Variants in GRID2 observed in about 807,000 individuals in gnomAD.
GRID2 encodes the protein glutamate ionotropic receptor delta type subunit 2.
Under a neutral mutation model 114.8 loss-of-function variants are expected in GRID2, and 33 were observed. The observed-to-expected ratio is 0.29, with a 90% CI of 0.22 to 0.38. The LOEUF (loss-of-function observed/expected upper bound fraction) is 0.38. Ranked by LOEUF, GRID2 falls within the 10% of genes least tolerant of loss-of-function variation. The pLI is 1.00. For missense variants in GRID2, 1,184 were observed against 1,257.7 expected (o/e 0.94, Z 0.89); for synonymous variants, 505 against 449.9 (o/e 1.12, Z -1.55).
At chr4:92,766,007 TG>T (rs1481827427) in intron 2 of GRID2, among the ~76,000 whole-genome samples, 1 of 150,578 alleles carries the variant, frequency 6.6e-6, no homozygotes, top group African/African-American at 2.5e-5. Context: ...TATATGTAAG[TG>T]ATCCGATTTG....
intron 2 of GRID2, among the ~76,000 whole-genome samples, chr4:93,030,800 A>G (rs1176256830): frequency 1.3e-5 from 2 of 152,078 alleles, no homozygotes; most frequent in African/African-American, 2.4e-5. Flanking sequence ...GAGGGAGAGG[A>G]ATGGAGACAG....
At chr4:92,527,985 T>G (rs539452451) in intron 1 of GRID2, among the ~76,000 whole-genome samples, 1 of 152,126 alleles carries the variant, frequency 6.6e-6, no homozygotes, top group Non-Finnish European at 1.5e-5. Context: ...ACAGTAATAA[T>G]GCTAAAGATA....
chr4:93,088,314 G>A (rs1394447042), intron 3 of GRID2, among the ~76,000 whole-genome samples: 2 of 152,162 alleles, frequency 1.3e-5, no homozygotes, highest in Admixed American at 6.5e-5. Context: ...GTTAGGAAGT[G>A]TTCAGCTTTT....
intron 13 of GRID2, among the ~76,000 whole-genome samples, chr4:93,595,345 T>A (rs770643372): frequency 3.9e-5 from 6 of 152,202 alleles, no homozygotes; most frequent in Middle Eastern, 3.2e-3. Flanking sequence ...TTTCATGCAT[T>A]ACATAATCTT....
chr4:92,690,774 AG>A (rs1734145188), intron 2 of GRID2, among the ~76,000 whole-genome samples: 1 of 152,158 alleles, frequency 6.6e-6, no homozygotes, highest in Non-Finnish European at 1.5e-5. Context: ...TATATTTCTT[AG>A]TACCCTCATT....
At chr4:92,525,277 A>C (rs1394573981) in intron 1 of GRID2, among the ~76,000 whole-genome samples, 1 of 152,080 alleles carries the variant, frequency 6.6e-6, no homozygotes, top group African/African-American at 2.4e-5. Context: ...TCGGTGAAAA[A>C]AAAACAAAAA....
chr4:93,210,651 T>G (rs1180128682), intron 5 of GRID2, among the ~76,000 whole-genome samples: 1 of 152,062 alleles, frequency 6.6e-6, no homozygotes, highest in Non-Finnish European at 1.5e-5. Flanking sequence ...AAGGCTCAAT[T>G]TGTACTTTGG....
chr4:92,466,185 A>T (rs1047055432), intron 1 of GRID2, among the ~76,000 whole-genome samples: 8 of 151,840 alleles, frequency 5.3e-5, no homozygotes, highest in African/African-American at 1.9e-4. Context: ...CAGGATGCTT[A>T]GCATATCCAA....
chr4:92,854,344 T>C (rs535611044), intron 2 of GRID2, among the ~76,000 whole-genome samples: 39 of 152,174 alleles, frequency 2.6e-4, no homozygotes, highest in African/African-American at 8.7e-4. Context: ...AACTGTCTTC[T>C]TTTTCCCTTC....
At chr4:92,347,021 C>G (rs1727802304) in intron 1 of GRID2, among the ~76,000 whole-genome samples, 1 of 152,106 alleles carries the variant, frequency 6.6e-6, no homozygotes, top group Non-Finnish European at 1.5e-5. Flanking sequence ...GTTCTGCTTT[C>G]CTGCTTATAT....
At chr4:93,685,489 T>C (rs1169101040) in intron 14 of GRID2, among the ~76,000 whole-genome samples, 1 of 152,102 alleles carries the variant, frequency 6.6e-6, no homozygotes, top group South Asian at 2.1e-4. Flanking sequence ...AAACAAGTGT[T>C]ACTATTTTTA....
chr4:92,439,181 T>G (rs1732890727), intron 1 of GRID2, among the ~76,000 whole-genome samples: 3 of 151,870 alleles, frequency 2.0e-5, no homozygotes, highest in Non-Finnish European at 2.9e-5. Flanking sequence ...TGGGGGTGCT[T>G]TTTGAGCCAG....
At chr4:93,762,048 G>T (rs1733257642) in intron 14 of GRID2, among the ~76,000 whole-genome samples, 1 of 152,084 alleles carries the variant, frequency 6.6e-6, no homozygotes, top group Admixed American at 6.6e-5. Context: ...ATTGATGAAT[G>T]AATGAAAAAC....
At chr4:92,483,951 C>G (rs562644809) in intron 1 of GRID2, among the ~76,000 whole-genome samples, 2 of 152,200 alleles carry the variant, frequency 1.3e-5, no homozygotes, top group African/African-American at 4.8e-5. Context: ...GTTAGTTAAC[C>G]TCTCTGATAT....
At chr4:92,932,723 C>T (rs1223838752) in intron 2 of GRID2, among the ~76,000 whole-genome samples, 1 of 151,126 alleles carries the variant, frequency 6.6e-6, no homozygotes, top group East Asian at 1.9e-4. Flanking sequence ...AAATACTACA[C>T]TGAAAGGCAA....
intron 1 of GRID2, among the ~76,000 whole-genome samples, chr4:92,552,263 A>C (rs1726630800): frequency 1.3e-5 from 2 of 152,222 alleles, no homozygotes; most frequent in South Asian, 2.1e-4. Context: ...AAAAAGTAGT[A>C]ATATCCCAGA....
chr4:92,413,865 A>G (rs1560615304), intron 1 of GRID2, among the ~76,000 whole-genome samples: 1 of 152,136 alleles, frequency 6.6e-6, no homozygotes, highest in Non-Finnish European at 1.5e-5. Context: ...GATCCCTACA[A>G]ATTTTGAAGA....
chr4:93,287,725 G>A (rs1241064775), intron 8 of GRID2, among the ~76,000 whole-genome samples: 3 of 152,208 alleles, frequency 2.0e-5, no homozygotes, highest in African/African-American at 7.2e-5. Context: ...ATATTTTATT[G>A]TTTAACTAGG....
At chr4:92,439,895 G>A (rs1386559718) in intron 1 of GRID2, among the ~76,000 whole-genome samples, 1 of 145,768 alleles carries the variant, frequency 6.9e-6, no homozygotes, top group Admixed American at 6.8e-5. Flanking sequence ...AACCGGCAGT[G>A]TAAACAAGAG....
Sources: allele counts gnomAD v4.1 joint callset (sites outside exome capture counted in the v4.1 genomes callset), GRCh38; gene constraint gnomAD v4.1.1; transcripts MANE v1.5; gene names NCBI Gene and HGNC (gene_info 2026-07-23, HGNC 2026-07-21).